The following OLAH variants were observed in gnomAD, a reference collection of about 807,000 sequenced individuals.
OLAH encodes oleoyl-ACP hydrolase.
A neutral mutation model predicts 27.8 loss-of-function variants in OLAH; 33 were observed. That is an observed-to-expected ratio of 1.19 (90% CI 0.90 to 1.59). The LOEUF is 1.59. OLAH is among the 40% of genes most tolerant of loss of function. The pLI, the probability that OLAH is intolerant of heterozygous loss-of-function variation, is 0.00. For missense variants in OLAH, 359 were observed against 310.8 expected (o/e 1.16, Z -1.17); for synonymous variants, 120 against 102.9 (o/e 1.17, Z -1.01).
chr10:15,055,089 C>G (rs1308376902), intron 3 of OLAH, among the ~76,000 whole-genome samples: 1 of 152,126 alleles, frequency 6.6e-6, no homozygotes, highest in Non-Finnish European at 1.5e-5. Flanking sequence ...CTCAGCCTCC[C>G]AAGTAGGTGG....
intron 3 of OLAH, among the ~76,000 whole-genome samples, chr10:15,056,033 A>AG (rs1468165666): frequency 1.3e-5 from 2 of 152,046 alleles, no homozygotes; most frequent in African/African-American, 2.4e-5. Flanking sequence ...TATTTTTAGT[A>AG]GAGACAGGAT....
At chr10:15,049,890 T>G in intron 3 of OLAH, 125 bp downstream of exon 3, 2 of 871,718 alleles carry the variant, frequency 2.3e-6, no homozygotes, top group Non-Finnish European at 3.5e-6. Context: ...TTCAAGATTA[T>G]GCTTCAATAG....
intron 1 of OLAH, chr10:15,032,429 C>G (rs751492601): frequency 4.8e-5 from 7 of 145,136 alleles, no homozygotes; most frequent in Non-Finnish European, 9.0e-5. Context: ...AGAACCCTGA[C>G]TAATACACCC....
rs1376622634 is a variant in OLAH, at chr10:15,061,862, G to A, written c.302G>A (p.Ser101Asn). ...QDKPFAFFGH[S>N]MGSYIAFRTA... ...AAACCATTTGCATTTTTTGGCCACAGGTATTTGATATCTGTTTTAAAAGAC... is the reference window on the plus strand; with the variant it reads ...AAACCATTTGCATTTTTTGGCCACAAGTATTTGATATCTGTTTTAAAAGAC... The change falls in exon 4 of 8, where the codon AGT becomes AAT. Residue 101 changes from serine to asparagine, a missense_variant and splice_region_variant. Transcript: ENST00000378228. 6.2e-7 allele frequency: 1 copy of A among 1,612,200 alleles called. No individual in the cohort carries two copies. The highest frequency in any genetic ancestry group is 1.1e-5 in the South Asian group (1 of 90,682).
At chr10:15,067,472 A>G (rs547136764) in intron 6 of OLAH, among the ~76,000 whole-genome samples, 4 of 152,200 alleles carry the variant, frequency 2.6e-5, no homozygotes, top group African/African-American at 9.6e-5. Flanking sequence ...CTATTTTTAA[A>G]AAACAAAACA....
At chr10:15,033,317 G>A (rs894388968) in intron 1 of OLAH, among the ~76,000 whole-genome samples, 23 of 152,238 alleles carry the variant, frequency 1.5e-4, no homozygotes, top group African/African-American at 5.5e-4. Flanking sequence ...GAGATAAAGG[G>A]TGACTGTAAA....
At chr10:15,055,628 T>C (rs1185677656) in intron 3 of OLAH, among the ~76,000 whole-genome samples, 2 of 152,164 alleles carry the variant, frequency 1.3e-5, no homozygotes, top group African/African-American at 2.4e-5. Context: ...TTTTAATCAA[T>C]AGCTGATGGT....
At chr10:15,049,847 C>G (rs1048832322) in intron 3 of OLAH, 82 bp downstream of exon 3, 3 of 1,338,158 alleles carry the variant, frequency 2.2e-6, no homozygotes, top group African/African-American at 1.5e-5. Context: ...TTGGTCAAGA[C>G]TTTCCTTCCT....
intron 1 of OLAH, 90 bp downstream of exon 1, chr10:15,044,076 C>G (rs1369702485): frequency 6.6e-6 from 1 of 152,120 alleles, no homozygotes; most frequent in Non-Finnish European, 1.5e-5. Context: ...GTTGGATTAT[C>G]TTTTAATCTA....
chr10:15,061,533 T>C (rs1844363393), intron 3 of OLAH, among the ~76,000 whole-genome samples, 191 bp from the exon 4 acceptor site: 1 of 152,150 alleles, frequency 6.6e-6, no homozygotes, highest in African/African-American at 2.4e-5. Context: ...TGTGAGCAGA[T>C]TCTTAGTCTG....
At chr10:15,061,505 G>A (rs1299106460) in intron 3 of OLAH, among the ~76,000 whole-genome samples, 1 of 151,296 alleles carries the variant, frequency 6.6e-6, no homozygotes, top group Non-Finnish European at 1.5e-5. Flanking sequence ...TTTCTTCTAG[G>A]TGTTCCCTTT....
rs769813301 is a variant in OLAH, at chr10:15,065,581, A to C, written c.403-3A>C. 5.6e-6 allele frequency: 9 copies of C among 1,605,802 alleles called. No individual in the cohort carries two copies. The highest frequency in any genetic ancestry group is 7.6e-6 in the Non-Finnish European group (9 of 1,177,240). On this transcript the variant is annotated splice_polypyrimidine_tract_variant and splice_region_variant and intron_variant, in intron 5 of 7. Coordinates refer to ENST00000378228, the MANE Select transcript of OLAH (RefSeq NM_001039702.3). ...AGGCCTGTGTTGTTGTTCATGTTTC[A>C]AGTCAAAGGCCTGGCATCGCATTCC...
rs765851054 is a variant in OLAH, at chr10:15,065,646, C to T, written c.465C>T (p.Tyr155=). ...DELSEEQISH[Y]LMEFGGTPKH... is the part of the protein sequence containing the mutation. ...TGTCAGAAGAACAAATAAGTCATTACCTTATGGAATTTGGAGGCACCCCCA... is the reference window on the plus strand; with the variant it reads ...TGTCAGAAGAACAAATAAGTCATTATCTTATGGAATTTGGAGGCACCCCCA... Residue 155 remains tyrosine, a synonymous_variant, in exon 6 of 8, where the codon TAC becomes TAT. Transcript: ENST00000378228. The T allele has an allele frequency of 8.1e-6, 13 of 1,613,818 alleles. No individual in the cohort carries two copies. The East Asian group carries it at 2.7e-4, about 33-fold the overall frequency.
chr10:15,059,805 C>T (rs993526220), intron 3 of OLAH, among the ~76,000 whole-genome samples: 2 of 151,972 alleles, frequency 1.3e-5, no homozygotes, highest in African/African-American at 2.4e-5. Context: ...GACTCCTTCT[C>T]AAAAAAATAA....
chr10:15,066,529 A>G (rs1237813650), intron 6 of OLAH, among the ~76,000 whole-genome samples: 2 of 151,974 alleles, frequency 1.3e-5, no homozygotes. Context: ...ATGTCTGTAT[A>G]GACACTTGAT....
intron 1 of OLAH, among the ~76,000 whole-genome samples, 172 bp from the exon 2 acceptor site, chr10:15,046,954 C>T (rs899635107): frequency 1.3e-5 from 2 of 152,150 alleles, no homozygotes; most frequent in Admixed American, 1.3e-4. Context: ...GAAGCACTTA[C>T]TGCTAATTGG....
intron 1 of OLAH, among the ~76,000 whole-genome samples, chr10:15,036,845 C>G (rs1229981759): frequency 2.6e-5 from 4 of 152,086 alleles, no homozygotes; most frequent in African/African-American, 9.7e-5. Flanking sequence ...TTCTGGGAGG[C>G]TGAGGCAGGC....
At chr10:15,041,432 C>G (rs1259700959), upstream of OLAH, among the ~76,000 whole-genome samples, 1 of 151,360 alleles carries the variant, frequency 6.6e-6, no homozygotes, top group Non-Finnish European at 1.5e-5. Flanking sequence ...GCATGTGCCT[C>G]CACGCCTGCC....
intron 4 of OLAH, among the ~76,000 whole-genome samples, chr10:15,063,015 A>G (rs149046625): frequency 0.012 from 1,836 of 152,314 alleles, 25 homozygotes; most frequent in Admixed American, 0.02. Flanking sequence ...CTGGGATTAC[A>G]GGTGTGAGCT....
Sources: allele counts gnomAD v4.1 joint callset (sites outside exome capture counted in the v4.1 genomes callset), GRCh38; gene constraint gnomAD v4.1.1; transcripts MANE v1.5; gene names NCBI Gene and HGNC (gene_info 2026-07-23, HGNC 2026-07-21).